Variants in SEM1 observed in about 807,000 individuals in gnomAD.
The protein encoded by SEM1 is SEM1 26S proteasome subunit, also known as 26S proteasome complex subunit SEM1.
Under a neutral mutation model 12.7 loss-of-function variants are expected in SEM1, and 3 were observed. That is an observed-to-expected ratio of 0.24 (90% CI 0.11 to 0.61). SEM1 has a LOEUF of 0.61. Among genes scored for constraint, SEM1 ranks in the 20% least tolerant of loss-of-function variants. SEM1 has a pLI of 0.88. For missense variants in SEM1, 59 were observed against 81.3 expected (o/e 0.73, Z 1.06); for synonymous variants, 30 against 27.8 (o/e 1.08, Z -0.25).
chr7:96,542,589 G>C (rs1804989570), intron 2 of SEM1, among the ~76,000 whole-genome samples: 1 of 150,318 alleles, frequency 6.7e-6, no homozygotes, highest in Non-Finnish European at 1.5e-5. Flanking sequence ...CATGCAAATG[G>C]AAAATAAAAA....
At chr7:96,492,858 C>T (rs975190703) in intron 1 of SEM1, among the ~76,000 whole-genome samples, 3 of 151,598 alleles carry the variant, frequency 2.0e-5, no homozygotes, top group Admixed American at 1.3e-4. Context: ...CCATCTTTTG[C>T]TACTGTGAAT....
chr7:96,598,310 G>C (rs892628848), intron 2 of SEM1, among the ~76,000 whole-genome samples: 2 of 151,928 alleles, frequency 1.3e-5, no homozygotes, highest in African/African-American at 4.8e-5. Flanking sequence ...AGAGGCAAAA[G>C]CCAACTGAGA....
At chr7:96,689,612 T>C (rs1381900282) in intron 2 of SEM1, among the ~76,000 whole-genome samples, 2 of 152,268 alleles carry the variant, frequency 1.3e-5, no homozygotes, top group Non-Finnish European at 2.9e-5. Context: ...AAATTTGGCT[T>C]AGACACCACT....
At chr7:96,707,836 C>T (rs955812702) in intron 1 of SEM1, among the ~76,000 whole-genome samples, 1 of 152,168 alleles carries the variant, frequency 6.6e-6, no homozygotes, top group Admixed American at 6.5e-5. Context: ...CAACTAACTA[C>T]TCATTTTAAA....
chr7:96,580,511 T>C (rs1487414236), intron 2 of SEM1, among the ~76,000 whole-genome samples: 1 of 151,930 alleles, frequency 6.6e-6, no homozygotes, highest in African/African-American at 2.4e-5. Flanking sequence ...GGTCAAATGG[T>C]ATTTCCAGTT....
chr7:96,576,909 G>A (rs1310504749), intron 2 of SEM1, among the ~76,000 whole-genome samples: 5 of 152,160 alleles, frequency 3.3e-5, no homozygotes, highest in African/African-American at 1.2e-4. Flanking sequence ...CCAGAGGTCA[G>A]GAGTTTGAGA....
downstream of SEM1, among the ~76,000 whole-genome samples, chr7:96,621,503 C>A (rs576128481): frequency 6.6e-6 from 1 of 152,220 alleles, no homozygotes; most frequent in South Asian, 2.1e-4. Context: ...GAGCTTTTCC[C>A]ATTGGTGAGG....
chr7:96,709,764 C>G lies in SEM1; in HGVS notation c.-1G>C. The G allele has an allele frequency of 6.2e-7, 1 of 1,613,940 alleles. No homozygotes were observed. ...CTACCGGCTGCTTTTTCTCTGACAT[C>G]TCGACTGTCCGCGCCCAACACCTCC... On this transcript the variant is annotated 5_prime_UTR_variant, in exon 1 of 3. Coordinates refer to ENST00000248566, the MANE Select transcript of SEM1 (RefSeq NM_006304.2).
At chr7:96,666,537 A>G (rs1278062298) in intron 2 of SEM1, among the ~76,000 whole-genome samples, 1 of 152,114 alleles carries the variant, frequency 6.6e-6, no homozygotes, top group Non-Finnish European at 1.5e-5. Context: ...GTATGATATT[A>G]TAATTAATAT....
chr7:96,708,029 C>G (rs1790523623), intron 1 of SEM1: 1 of 152,152 alleles, frequency 6.6e-6, no homozygotes, highest in Admixed American at 6.5e-5. Context: ...TCCATATTCT[C>G]AAGGTGATAG....
chr7:96,677,191 T>C (rs1326356325), intron 2 of SEM1, among the ~76,000 whole-genome samples: 1 of 152,106 alleles, frequency 6.6e-6, no homozygotes, highest in Non-Finnish European at 1.5e-5. Flanking sequence ...TTCACAGCCC[T>C]AAGAGGCCCA....
At chr7:96,658,094 T>C (rs1434412037) in intron 2 of SEM1, among the ~76,000 whole-genome samples, 7 of 152,168 alleles carry the variant, frequency 4.6e-5, no homozygotes, top group Non-Finnish European at 8.8e-5. Flanking sequence ...AAATCAATTA[T>C]GACACTCAAT....
intron 2 of SEM1, among the ~76,000 whole-genome samples, chr7:96,691,076 T>C (rs1789918847): frequency 6.6e-6 from 1 of 152,160 alleles, no homozygotes; most frequent in Admixed American, 6.5e-5. Flanking sequence ...TGGCCTATAC[T>C]GGCTTCTTAG....
chr7:96,575,496 T>C (rs1050324052), intron 2 of SEM1, among the ~76,000 whole-genome samples: 5 of 152,212 alleles, frequency 3.3e-5, no homozygotes, highest in African/African-American at 1.2e-4. Context: ...TCAGGTGCTA[T>C]GCTGGGAGAT....
chr7:96,623,375 G>A (rs988397213), intron 2 of SEM1, among the ~76,000 whole-genome samples: 3 of 151,310 alleles, frequency 2.0e-5, no homozygotes, highest in East Asian at 1.9e-4. Flanking sequence ...ATAACTGCAT[G>A]AGCCAATTCT....
intron 2 of SEM1, among the ~76,000 whole-genome samples, chr7:96,607,697 A>G (rs1807423631): frequency 6.6e-6 from 1 of 152,152 alleles, no homozygotes. Context: ...CTGGTCATGG[A>G]GATACTCTCT....
downstream of SEM1, among the ~76,000 whole-genome samples, chr7:96,685,473 G>A (rs1180146814): frequency 3.3e-5 from 5 of 152,014 alleles, no homozygotes; most frequent in African/African-American, 9.7e-5. Context: ...AAAATTTAAG[G>A]AGCATTTATG....
intron 2 of SEM1, among the ~76,000 whole-genome samples, chr7:96,604,517 TG>T (rs1377595600): frequency 6.6e-6 from 1 of 152,180 alleles, no homozygotes; most frequent in Non-Finnish European, 1.5e-5. Flanking sequence ...TTACATGCTT[TG>T]TAAGTATTCC....
At chr7:96,646,331 T>C (rs925800075) in intron 2 of SEM1, among the ~76,000 whole-genome samples, 5 of 152,198 alleles carry the variant, frequency 3.3e-5, no homozygotes, top group African/African-American at 1.2e-4. Flanking sequence ...ACAGAACAAC[T>C]TTGCTGACCT....
Sources: gnomAD v4.1 joint callset for allele counts (sites outside exome capture counted in the v4.1 genomes callset) on GRCh38, gnomAD v4.1.1 for gene constraint, MANE v1.5 for transcripts, NCBI Gene and HGNC (gene_info 2026-07-23, HGNC 2026-07-21) for gene names.